The following CAMTA1 variants were observed in gnomAD, a reference collection of about 807,000 sequenced individuals.
CAMTA1 encodes the protein calmodulin binding transcription activator 1.
CAMTA1 carries 27 observed loss-of-function variants against 170.9 expected under a neutral mutation model. The observed-to-expected ratio is 0.16, with a 90% CI of 0.12 to 0.22. The LOEUF (loss-of-function observed/expected upper bound fraction) is 0.22. Ranked by LOEUF, CAMTA1 falls within the 10% of genes least tolerant of loss-of-function variation. The pLI is 1.00. For synonymous variants in CAMTA1, 833 were observed against 891.5 expected, an observed-to-expected ratio of 0.93 and a Z score of 1.17; for missense variants, 1,619 against 2,217.2, an observed-to-expected ratio of 0.73 and a Z score of 5.42.
Position 7,468,368 on chromosome 1 carries a change from G to A in CAMTA1, c.510+467G>A, listed in dbSNP as rs150379741. 7.2e-5 allele frequency among the ~76,000 whole-genome samples: 11 copies of A among 152,354 alleles called. No homozygotes were observed. In the East Asian group the frequency reaches 7.7e-4, roughly 11 times the overall value. Reference sequence around the variant, plus strand: ...TGTGGGGAAAGGAGGAAGGAGCTCCGTAATCGATTTGTGATGTCTGCTGTG... The same window carrying A: ...TGTGGGGAAAGGAGGAAGGAGCTCCATAATCGATTTGTGATGTCTGCTGTG... On this transcript the variant is annotated intron_variant, in intron 6 of 22. Coordinates refer to ENST00000303635, the MANE Select transcript of CAMTA1 (RefSeq NM_015215.4).
chr1:6,910,055 C>T (rs1557809852), intron 3 of CAMTA1, among the ~76,000 whole-genome samples: 1 of 152,262 alleles, frequency 6.6e-6, no homozygotes, highest in Non-Finnish European at 1.5e-5. Context: ...GAATTTGCAG[C>T]AATCCTTGTT....
intron 8 of CAMTA1, 113 bp downstream of exon 8, chr1:7,661,979 G>A (rs2095962586): frequency 2.3e-6 from 3 of 1,302,274 alleles, no homozygotes; most frequent in African/African-American, 1.5e-5. Flanking sequence ...GAGGGAGGAG[G>A]GGGACAGTCA....
Position 7,298,207 on chromosome 1 carries a change from G to A in CAMTA1, c.438+48581G>A, listed in dbSNP as rs185900776. ...GGCAAGCTACAGGGCTGAGTACGAG[G>A]GTGGCCTTCCTGTGCGGGGTGTAGG... is the stretch of plus-strand genomic sequence containing the variant. On this transcript the variant is annotated intron_variant, in intron 5 of 22. Transcript: ENST00000303635. 4.6e-5 allele frequency among the ~76,000 whole-genome samples: 7 copies of A among 152,260 alleles called. No individual in the cohort carries two copies. The East Asian group carries it at 1.4e-3, about 29-fold the overall frequency.
At chr1:6,944,627 A>G (rs1159713119) in intron 3 of CAMTA1, among the ~76,000 whole-genome samples, 1 of 151,858 alleles carries the variant, frequency 6.6e-6, no homozygotes. Context: ...TGACTGCACC[A>G]CCTGCCCCGG....
chr1:7,440,808 G>T (rs2149406046), intron 5 of CAMTA1, among the ~76,000 whole-genome samples: 1 of 152,310 alleles, frequency 6.6e-6, no homozygotes, highest in South Asian at 2.1e-4. Flanking sequence ...GCACCCCTCG[G>T]TTTCCTTAGC....
chr1:7,392,929 T>G (rs1282028301), intron 5 of CAMTA1, among the ~76,000 whole-genome samples: 1 of 151,998 alleles, frequency 6.6e-6, no homozygotes, highest in African/African-American at 2.4e-5. Context: ...AGTGCACACC[T>G]GTAGTCCCAG....
intron 3 of CAMTA1, among the ~76,000 whole-genome samples, chr1:6,949,348 C>A (rs1037955010): frequency 2.6e-5 from 4 of 152,220 alleles, no homozygotes; most frequent in Non-Finnish European, 5.9e-5. Context: ...CATGGGAGAT[C>A]CCGCTTTGAA....
In CAMTA1 at chr1:7,680,842, ACGCGCGCGCG is replaced by A. The variant is rs1553247058; in HGVS notation, c.2914+3119_2914+3128del. On this transcript the variant is annotated intron_variant, in intron 11 of 22. Transcript: ENST00000303635. This position sits in a 1 kb window ranked among gnomAD's most constrained non-coding sequence, Gnocchi z 4.4. ...GGCGTGGGTCCGGGGCGCAGAGAAC[ACGCGCGCGCG>A]CGCGCGCGCCAGCAGCAGCAGCAGC... Among the ~76,000 whole-genome samples the A allele has an allele frequency of 1.4e-5, 2 of 141,136 alleles. No homozygotes were observed. Among genetic ancestry groups the A allele is most frequent in the East Asian group, 2.1e-4 (1 of 4,664 alleles). 92.6% of individuals were successfully genotyped at this position (141,136 alleles called of 152,430 possible).
At chr1:7,081,462 G>C (rs1640001221) in intron 3 of CAMTA1, among the ~76,000 whole-genome samples, 1 of 152,260 alleles carries the variant, frequency 6.6e-6, no homozygotes, top group Admixed American at 6.5e-5. Context: ...AGTTGGGGCA[G>C]TCTTGGATCT....
chr1:7,376,961 G>A (rs886303181), intron 5 of CAMTA1, among the ~76,000 whole-genome samples: 2 of 152,190 alleles, frequency 1.3e-5, no homozygotes, highest in Admixed American at 1.3e-4. Flanking sequence ...ATTCGGATCT[G>A]TCTGGAAGTG....
intron 4 of CAMTA1, among the ~76,000 whole-genome samples, chr1:7,180,511 C>CTTTTTTTTTTT (rs397862259): frequency 1.4e-5 from 1 of 71,164 alleles, no homozygotes. Context: ...TGTCACTAGA[C>CTTTTTTTTTTT]TTTTTTTTTT....
chr1:7,411,429 C>G (rs2090738918), intron 5 of CAMTA1, among the ~76,000 whole-genome samples: 1 of 150,802 alleles, frequency 6.6e-6, no homozygotes, highest in Non-Finnish European at 1.5e-5. Flanking sequence ...ATCCCAGCTA[C>G]TCAGGAGGCT....
At chr1:6,906,197 C>T (rs917511481) in intron 3 of CAMTA1, among the ~76,000 whole-genome samples, 4 of 106,256 alleles carry the variant, frequency 3.8e-5, no homozygotes, top group African/African-American at 1.0e-4. Flanking sequence ...CTCCCAGGTC[C>T]TCCTCCTCCT....
chr1:7,501,354 G>C (rs1189541764), intron 6 of CAMTA1, among the ~76,000 whole-genome samples: 1 of 152,182 alleles, frequency 6.6e-6, no homozygotes. Flanking sequence ...CTTTGTTCCC[G>C]GGATCTCCGG....
Position 7,144,269 on chromosome 1 carries a change from G to A in CAMTA1, c.302+52898G>A, listed in dbSNP as rs541937640. On this transcript the variant is annotated intron_variant, in intron 4 of 22. Coordinates refer to ENST00000303635, the MANE Select transcript of CAMTA1 (RefSeq NM_015215.4). The surrounding 1 kb of genome is among the most constrained non-coding windows in gnomAD (Gnocchi z 4.0). ...TGTGTGTGTATGTGTGTGTTTGTGT[G>A]TATGAGTGTGTGTTTGTGTGTATGA... Among the ~76,000 whole-genome samples, 1 of 151,866 alleles carries A rather than the reference G, an allele frequency of 6.6e-6. No individual in the cohort carries two copies. Among genetic ancestry groups the A allele is most frequent in the East Asian group, 1.9e-4 (1 of 5,188 alleles).
At chr1:6,834,458 CT>C in intron 3 of CAMTA1, 1 of 235,052 alleles carries the variant, frequency 4.3e-6, no homozygotes, top group Admixed American at 4.5e-5. Context: ...GGCATTTTGT[CT>C]TTTAGCCTTG....
At chr1:6,903,872 C>T (rs1291946062) in intron 3 of CAMTA1, among the ~76,000 whole-genome samples, 1 of 152,222 alleles carries the variant, frequency 6.6e-6, no homozygotes, top group Non-Finnish European at 1.5e-5. Context: ...CTCCAGTTTC[C>T]TGTGGACATC....
At chr1:7,414,912 C>T (rs1575187951) in intron 5 of CAMTA1, among the ~76,000 whole-genome samples, 1 of 151,892 alleles carries the variant, frequency 6.6e-6, no homozygotes, top group East Asian at 1.9e-4. Flanking sequence ...ATAAATTTCC[C>T]TCTACACACT....
In CAMTA1 at chr1:6,971,585, C is replaced by T. The variant is rs1692546320; in HGVS notation, c.235-119719C>T. On this transcript the variant is annotated intron_variant, in intron 3 of 22. Coordinates refer to ENST00000303635, the MANE Select transcript of CAMTA1 (RefSeq NM_015215.4). This position sits in a 1 kb window ranked among gnomAD's most constrained non-coding sequence, Gnocchi z 4.6. ...TAAGTCTCTAACCGAAAACTAGATC[C>T]ACAGGCAGGCCTTTTATTAAAAGGC... Among the ~76,000 whole-genome samples, 1 of 152,120 alleles carries T rather than the reference C, an allele frequency of 6.6e-6. No homozygotes were observed. Among genetic ancestry groups the T allele is most frequent in the Admixed American group, 6.5e-5 (1 of 15,276 alleles).
Sources: gnomAD v4.1 joint callset for allele counts (sites outside exome capture counted in the v4.1 genomes callset) on GRCh38, gnomAD v4.1.1 for gene constraint, Gnocchi (gnomAD v3.1) non-coding constraint, MANE v1.5 for transcripts, NCBI Gene and HGNC (gene_info 2026-07-23, HGNC 2026-07-21) for gene names.